The following RMDN3 variants were observed in gnomAD, a reference collection of about 807,000 sequenced individuals.
RMDN3 encodes the protein regulator of microtubule dynamics protein 3.
Under a neutral mutation model 61.8 loss-of-function variants are expected in RMDN3, and 41 were observed. The ratio of observed to expected loss-of-function variants is 0.66; its 90% CI spans 0.52 to 0.86. The LOEUF is 0.86. RMDN3 is among the 40% of genes least tolerant of loss of function. The pLI, the probability that RMDN3 is intolerant of heterozygous loss-of-function variation, is 0.00. For synonymous variants in RMDN3, 247 were observed against 232.0 expected (o/e 1.06, Z -0.59); for missense variants, 557 against 585.3 (o/e 0.95, Z 0.50).
intron 12 of RMDN3, 114 bp downstream of exon 12, chr15:40,737,010 G>T: frequency 3.5e-6 from 3 of 865,868 alleles, no homozygotes; most frequent in Non-Finnish European, 5.8e-6. Flanking sequence ...TGCGCCACTA[G>T]GCCCAACTAA....
At position 40,745,067 on chromosome 15, in the gene RMDN3, C is replaced by G; in HGVS notation, c.717G>C (p.Leu239=). Residue 239 remains leucine (L), a synonymous_variant, in exon 5 of 13, where the codon CTG becomes CTC. Coordinates refer to ENST00000338376, the MANE Select transcript of RMDN3 (RefSeq NM_018145.3). The part of the protein sequence containing the change: ...AGGSSGLEDV[L]PLLQQADELH... ...GCTCGTCGGCCTGCTGCAGGAGGGG[C>G]AGCACATCCTCCAAGCCTGAGGAAC... The G allele has an allele frequency of 6.2e-7, 1 of 1,614,150 alleles. No individual in the cohort carries two copies. The highest frequency in any genetic ancestry group is 8.5e-7 in the Non-Finnish European group (1 of 1,180,002).
chr15:40,741,620 ATTTTTTTTTTTTTTTTTTTT>A (rs553262858), intron 6 of RMDN3, among the ~76,000 whole-genome samples: 1 of 71,724 alleles, frequency 1.4e-5, no homozygotes, highest in East Asian at 6.2e-4. Context: ...GCAACATAGG[ATTTTTTTTTTTTTTTTTTTT>A]TTTTTTGAGA....
chr15:40,747,578 C>T (rs1291436372), intron 4 of RMDN3: 1 of 152,196 alleles, frequency 6.6e-6, no homozygotes, highest in Non-Finnish European at 1.5e-5. Flanking sequence ...CCCAGACTAA[C>T]CCAGCCAGCC....
In RMDN3 at chr15:40,736,572, A is replaced by G. The variant is rs1897055941; in HGVS notation, c.1382T>C (p.Leu461Pro). 1 of 1,614,066 alleles carries G rather than the reference A, an allele frequency of 6.2e-7. No homozygotes were observed. The highest frequency in any genetic ancestry group is 1.7e-5 in the Admixed American group (1 of 59,992). The change falls in exon 13 of 13, where the codon CTG becomes CCG. Residue 461 changes from leucine to proline, a missense_variant. Leu to Pro is a moderately conservative substitution (Grantham distance 98). Coordinates refer to ENST00000338376, the MANE Select transcript of RMDN3 (RefSeq NM_018145.3). Reference sequence around the variant, plus strand: ...TCGTAAAATGACTTCCAGTTCTTCCAGGTCCTTCTGGATAGCCAAATCCTA... The same window carrying G: ...TCGTAAAATGACTTCCAGTTCTTCCGGGTCCTTCTGGATAGCCAAATCCTA... ...TKEDLAIQKD[L>P]EELEVILRD is the part of the protein sequence containing the mutation.
At chr15:40,754,934 C>A in intron 1 of RMDN3, 144 bp from the exon 2 acceptor site, 1 of 650,692 alleles carries the variant, frequency 1.5e-6, no homozygotes, top group Non-Finnish European at 2.6e-6. Flanking sequence ...GAGCTCTCGA[C>A]TACGTGCACC....
intron 7 of RMDN3, 55 bp downstream of exon 7, chr15:40,740,078 G>T: frequency 8.6e-7 from 1 of 1,165,348 alleles, no homozygotes; most frequent in Non-Finnish European, 1.3e-6. Context: ...AGAAAGGGCT[G>T]TCCTCTGCTT....
intron 4 of RMDN3, among the ~76,000 whole-genome samples, chr15:40,750,670 A>T (rs1430493080): frequency 6.6e-6 from 1 of 152,152 alleles, no homozygotes; most frequent in Admixed American, 6.5e-5. Context: ...CCTCTGATCC[A>T]GCATAAAACT....
intron 6 of RMDN3, among the ~76,000 whole-genome samples, chr15:40,742,845 TC>T (rs1298463545): frequency 2.6e-5 from 4 of 152,238 alleles, no homozygotes; most frequent in African/African-American, 9.6e-5. Flanking sequence ...AGTCCAAAAA[TC>T]AGCCCAAAAG....
At chr15:40,741,717 C>T (rs1190619128) in intron 6 of RMDN3, among the ~76,000 whole-genome samples, 1 of 149,000 alleles carries the variant, frequency 6.7e-6, no homozygotes, top group Non-Finnish European at 1.5e-5. Flanking sequence ...GCAACCTCCG[C>T]CTCCAGGTTC....
chr15:40,746,289 G>A (rs924092783), intron 4 of RMDN3, among the ~76,000 whole-genome samples: 1 of 152,166 alleles, frequency 6.6e-6, no homozygotes, highest in Non-Finnish European at 1.5e-5. Context: ...GCCGAGGCGG[G>A]CGGATCAGGA....
chr15:40,738,080 C>T (rs1367014015), intron 8 of RMDN3, 38 bp from the exon 9 acceptor site: 1 of 1,603,826 alleles, frequency 6.2e-7, no homozygotes, highest in African/African-American at 1.3e-5. Flanking sequence ...ACATCAGACA[C>T]CAGAGTTGCT....
At chr15:40,736,685 C>CT in intron 12 of RMDN3, 91 bp from the exon 13 acceptor site, 1 of 1,094,742 alleles carries the variant, frequency 9.1e-7, no homozygotes. Flanking sequence ...CCTTTGCTTC[C>CT]TTCCTGAGCT....
intron 6 of RMDN3, among the ~76,000 whole-genome samples, chr15:40,743,827 CGT>C (rs1352390919): frequency 3.3e-5 from 5 of 152,208 alleles, no homozygotes; most frequent in African/African-American, 4.8e-5. Context: ...AACACATGCA[CGT>C]GTGTTACTAA....
At chr15:40,743,053 G>C (rs1249340535) in intron 6 of RMDN3, among the ~76,000 whole-genome samples, 1 of 152,170 alleles carries the variant, frequency 6.6e-6, no homozygotes, top group Non-Finnish European at 1.5e-5. Flanking sequence ...GGTACTGTTT[G>C]AGTATACATT....
intron 4 of RMDN3, among the ~76,000 whole-genome samples, chr15:40,748,241 A>G (rs1489853163): frequency 6.6e-6 from 1 of 152,196 alleles, no homozygotes; most frequent in African/African-American, 2.4e-5. Flanking sequence ...CCTTGCCCCA[A>G]GACACACATG....
At chr15:40,739,122 A>G (rs1301052449) in intron 7 of RMDN3, 1 of 152,298 alleles carries the variant, frequency 6.6e-6, no homozygotes, top group African/African-American at 2.4e-5. Flanking sequence ...AAGACCTCCT[A>G]TATATGCCTT....
intron 4 of RMDN3, among the ~76,000 whole-genome samples, chr15:40,749,361 A>C (rs563730340): frequency 6.6e-6 from 1 of 152,318 alleles, no homozygotes; most frequent in East Asian, 1.9e-4. Flanking sequence ...AAAAAAAATA[A>C]ATAGAATTGG....
Position 40,736,157 on chromosome 15 carries a change from TAGTC to T in RMDN3, c.*380_*383del, listed in dbSNP as rs1897032248. 5 of 202,094 alleles carry T rather than the reference TAGTC, an allele frequency of 2.5e-5. No homozygotes were observed. The highest frequency in any genetic ancestry group is 4.9e-5 in the Non-Finnish European group (5 of 101,290). 12.5% of individuals were successfully genotyped at this position (202,094 alleles called of 1,614,324 possible). A position where few individuals can be genotyped will look rare whatever the true frequency, so the allele number is the denominator to read the frequency against. On this transcript the variant is annotated 3_prime_UTR_variant, in exon 13 of 13. Transcript: ENST00000338376. ...TAAGACTATATGTACTGAGTCCTATTAGTCAGTGAAAAAGATTAAAGTGACAAGT... is the reference window on the plus strand; with the variant it reads ...TAAGACTATATGTACTGAGTCCTATTAGTGAAAAAGATTAAAGTGACAAGT...
intron 6 of RMDN3, 97 bp from the exon 7 acceptor site, chr15:40,740,290 C>A (rs1462822708): frequency 4.9e-6 from 4 of 815,970 alleles, no homozygotes; most frequent in Non-Finnish European, 8.4e-6. Context: ...TCTCACCAAT[C>A]CCTACCCAGC....
Sources: allele counts gnomAD v4.1 joint callset (sites outside exome capture counted in the v4.1 genomes callset), GRCh38; gene constraint gnomAD v4.1.1; transcripts MANE v1.5; gene names NCBI Gene and HGNC (gene_info 2026-07-23, HGNC 2026-07-21).